Variants in RSBN1L observed in about 807,000 individuals in gnomAD.
RSBN1L encodes lysine-specific demethylase RSBN1L.
In RSBN1L, 30 loss-of-function variants were observed where a neutral mutation model predicts 67.7. The ratio of observed to expected loss-of-function variants is 0.44; its 90% CI spans 0.33 to 0.60. RSBN1L has a LOEUF of 0.60. Among genes scored for constraint, RSBN1L ranks in the 20% least tolerant of loss-of-function variants. The pLI, the probability that RSBN1L is intolerant of heterozygous loss-of-function variation, is 0.02. For synonymous variants in RSBN1L, 433 were observed against 387.0 expected (o/e 1.12, Z -1.39); for missense variants, 992 against 1,031.7 (o/e 0.96, Z 0.53).
chr7:77,703,477 G>GTTTTTTTTTT lies in RSBN1L; in HGVS notation c.586+6443_586+6452dup, dbSNP rs71529102. On this transcript the variant is annotated intron_variant, in intron 1 of 7. Transcript: ENST00000334955. ...GTGTCTCTTTTTTCCTACTGTTTGG[G>GTTTTTTTTTT]TTTTTTTTTTTTTTTTTTTTTTTTT... Among the ~76,000 whole-genome samples the GTTTTTTTTTT allele has an allele frequency of 7.1e-4, 44 of 61,604 alleles. 1 individual carries two copies. Among genetic ancestry groups the GTTTTTTTTTT allele is most frequent in the Admixed American group, 1.5e-3 (5 of 3,272 alleles). 40.4% of individuals were successfully genotyped at this position (61,604 alleles called of 152,430 possible). A position where few individuals can be genotyped will look rare whatever the true frequency, so the allele number is the denominator to read the frequency against.
chr7:77,731,752 G>A (rs1487356644), intron 1 of RSBN1L, among the ~76,000 whole-genome samples: 1 of 151,202 alleles, frequency 6.6e-6, no homozygotes, highest in Non-Finnish European at 1.5e-5. Context: ...TGTGCCTTTG[G>A]TGCTGAATCT....
At position 77,696,489 on chromosome 7, in the gene RSBN1L, C is replaced by T; in HGVS notation, c.20C>T (p.Pro7Leu). 1.4e-5 allele frequency: 22 copies of T among 1,612,924 alleles called. No homozygotes were observed. The highest frequency in any genetic ancestry group is 1.8e-5 in the Non-Finnish European group (21 of 1,179,450). Residue 7 changes from proline to leucine, a missense_variant, in exon 1 of 8, where the codon CCC becomes CTC. Around this residue, in one of 7 missense-constraint regions of RSBN1L, gnomAD observed 575 missense variants for 483.2 expected, o/e 1.19. Transcript: ENST00000334955. ...CGCAAAATGGCGGAACCGCCGAGCC[C>T]CGTGCACTGTGTCGCTGCCGCGGCC... MAEPPS[P>L]VHCVAAAAPT... is the part of the protein sequence containing the mutation.
rs142499117 is a variant in RSBN1L, at chr7:77,782,762, G to T, written c.*3594G>T. The stretch of plus-strand genomic sequence containing the variant: ...GGAAGATTTTATTTTTTAAGTTGTC[G>T]TTAAGGTATTTCATTAGTGTTCCTG... On this transcript the variant is annotated 3_prime_UTR_variant, in exon 8 of 8. Coordinates refer to ENST00000334955, the MANE Select transcript of RSBN1L (RefSeq NM_198467.3). 4.0e-4 allele frequency: 61 copies of T among 152,130 alleles called. No homozygotes were observed. Among genetic ancestry groups the T allele is most frequent in the African/African-American group, 1.3e-3 (56 of 41,514 alleles). 9.4% of individuals were successfully genotyped at this position (152,130 alleles called of 1,614,324 possible). A position where few individuals can be genotyped will look rare whatever the true frequency, so the allele number is the denominator to read the frequency against.
intron 6 of RSBN1L, among the ~76,000 whole-genome samples, chr7:77,776,781 C>T (rs1300948213): frequency 6.6e-6 from 1 of 151,924 alleles, no homozygotes; most frequent in Non-Finnish European, 1.5e-5. Flanking sequence ...TTTCTTTTAA[C>T]TTATCTGTAT....
chr7:77,760,742 G>A (rs892441296), intron 3 of RSBN1L, among the ~76,000 whole-genome samples: 11 of 152,148 alleles, frequency 7.2e-5, no homozygotes, highest in South Asian at 4.1e-4. Context: ...AAGCATTCTC[G>A]TGCCTCACTC....
intron 2 of RSBN1L, among the ~76,000 whole-genome samples, chr7:77,741,211 T>C (rs1791405954): frequency 6.6e-6 from 1 of 151,576 alleles, no homozygotes; most frequent in Non-Finnish European, 1.5e-5. Flanking sequence ...GGTCTCGAAC[T>C]CCTGACCTCA....
intron 1 of RSBN1L, among the ~76,000 whole-genome samples, chr7:77,713,267 G>T (rs1341075554): frequency 6.6e-6 from 1 of 151,712 alleles, no homozygotes; most frequent in African/African-American, 2.4e-5. Flanking sequence ...ATTTAAGGGG[G>T]TGTACTTGGT....
Position 77,754,883 on chromosome 7 carries a change from A to G in RSBN1L, c.1344+4819A>G, listed in dbSNP as rs951775600. On this transcript the variant is annotated intron_variant, in intron 3 of 7. Transcript: ENST00000334955. ...GATCCTGTCTCAAAGAAAACCCCAA[A>G]AAACAAAAACAAAAGTTTAGTAATT... Among the ~76,000 whole-genome samples the G allele has an allele frequency of 2.0e-5, 3 of 152,208 alleles. No individual in the cohort carries two copies. In the East Asian group the frequency reaches 5.8e-4, roughly 29 times the overall value.
intron 1 of RSBN1L, among the ~76,000 whole-genome samples, chr7:77,701,165 A>T: frequency 8.8e-6 from 1 of 113,714 alleles, no homozygotes; most frequent in East Asian, 2.1e-4. Context: ...AAAAAAAAAA[A>T]AAAAACAACA....
At chr7:77,764,567 G>A (rs921129701) in intron 3 of RSBN1L, among the ~76,000 whole-genome samples, 1 of 152,004 alleles carries the variant, frequency 6.6e-6, no homozygotes, top group African/African-American at 2.4e-5. Context: ...TGAAGGTCAT[G>A]TAACTGGTAG....
In RSBN1L at chr7:77,696,856, G is replaced by A. The variant is rs754571290; in HGVS notation, c.387G>A (p.Leu129=). The change falls in exon 1 of 8, where the codon CTG becomes CTA. Residue 129 remains leucine (L), a synonymous_variant. Transcript: ENST00000334955. The part of the protein sequence containing the change: ...SLSQPVPRKL[L]VPPTLLHAQP... ...CTCAGCCGGTGCCGCGCAAACTGCT[G>A]GTCCCTCCTACGCTGCTGCACGCTC... is the stretch of plus-strand genomic sequence containing the variant. The A allele has an allele frequency of 9.9e-6, 16 of 1,612,244 alleles. No individual in the cohort carries two copies. The highest frequency in any genetic ancestry group is 5.0e-5 in the Admixed American group (3 of 60,010).
intron 2 of RSBN1L, among the ~76,000 whole-genome samples, chr7:77,748,226 G>T (rs1455845654): frequency 2.6e-5 from 4 of 152,120 alleles, no homozygotes; most frequent in Non-Finnish European, 4.4e-5. Flanking sequence ...TAGCATTCAG[G>T]ATGAGAGACA....
At chr7:77,748,694 G>A (rs1272701483) in intron 2 of RSBN1L, among the ~76,000 whole-genome samples, 1 of 151,810 alleles carries the variant, frequency 6.6e-6, no homozygotes, top group Admixed American at 6.6e-5. Context: ...TCTCTTGGGC[G>A]GGGTGGTCTC....
At chr7:77,703,914 C>T (rs1259329634) in intron 1 of RSBN1L, among the ~76,000 whole-genome samples, 1 of 152,156 alleles carries the variant, frequency 6.6e-6, no homozygotes, top group African/African-American at 2.4e-5. Flanking sequence ...TTCACCCTCC[C>T]CAGTAGCTAG....
intron 1 of RSBN1L, among the ~76,000 whole-genome samples, chr7:77,715,431 A>G (rs1271256405): frequency 6.6e-6 from 1 of 152,036 alleles, no homozygotes; most frequent in African/African-American, 2.4e-5. Context: ...CAGCCTCCCA[A>G]GTAGCTGGGA....
intron 2 of RSBN1L, among the ~76,000 whole-genome samples, chr7:77,740,631 T>A (rs2150422371): frequency 6.6e-6 from 1 of 152,348 alleles, no homozygotes; most frequent in South Asian, 2.1e-4. Flanking sequence ...TTTTTCTGAA[T>A]TTTGTTTTTC....
At chr7:77,731,467 C>T (rs1791271182) in intron 1 of RSBN1L, among the ~76,000 whole-genome samples, 1 of 152,190 alleles carries the variant, frequency 6.6e-6, no homozygotes, top group Non-Finnish European at 1.5e-5. Flanking sequence ...AACTCCTGGG[C>T]TCTAGCAGTC....
chr7:77,718,539 C>T (rs1315755715), intron 1 of RSBN1L, among the ~76,000 whole-genome samples: 1 of 152,142 alleles, frequency 6.6e-6, no homozygotes, highest in Non-Finnish European at 1.5e-5. Context: ...AATCTGCCTG[C>T]CCCGGCCTCT....
chr7:77,737,835 C>T (rs532597785), intron 2 of RSBN1L, among the ~76,000 whole-genome samples: 28 of 152,076 alleles, frequency 1.8e-4, no homozygotes, highest in East Asian at 1.2e-3. Flanking sequence ...CCAGCCTGGC[C>T]GATGTGGTGA....
Sources: allele counts gnomAD v4.1 joint callset (sites outside exome capture counted in the v4.1 genomes callset), GRCh38; gene constraint gnomAD v4.1.1; regional missense constraint gnomAD v4.1.1; transcripts MANE v1.5; gene names NCBI Gene and HGNC (gene_info 2026-07-23, HGNC 2026-07-21).